Variants in SLIT3 observed in about 807,000 individuals in gnomAD.
SLIT3 encodes the protein slit homolog 3 protein.
Under a neutral mutation model 184.0 loss-of-function variants are expected in SLIT3, and 68 were observed. The observed-to-expected ratio is 0.37, with a 90% CI of 0.30 to 0.45. The LOEUF (loss-of-function observed/expected upper bound fraction) is 0.45, where lower values mean the gene tolerates loss of function less well. Ranked by LOEUF, SLIT3 falls within the 20% of genes least tolerant of loss-of-function variation. The pLI is 1.00. For missense variants in SLIT3, 1,707 were observed against 2,026.0 expected, an observed-to-expected ratio of 0.84 and a Z score of 3.02; for synonymous variants, 831 against 828.6, an observed-to-expected ratio of 1.00 and a Z score of -0.05.
intron 23 of SLIT3, 65 bp from the exon 24 acceptor site, chr5:168,712,419 G>T: frequency 7.2e-7 from 1 of 1,388,468 alleles, no homozygotes; most frequent in Non-Finnish European, 1.0e-6. Flanking sequence ...TATTCTCAGG[G>T]CCTCCAGTGC....
intron 4 of SLIT3, among the ~76,000 whole-genome samples, chr5:169,162,288 T>TG (rs34293998): frequency 6.6e-6 from 1 of 152,104 alleles, no homozygotes; most frequent in South Asian, 2.1e-4. Context: ...CAGAAACTGG[T>TG]GGGTAGGTTC....
chr5:168,673,671 A>C (rs1397094845), intron 32 of SLIT3, among the ~76,000 whole-genome samples: 1 of 152,202 alleles, frequency 6.6e-6, no homozygotes, highest in Non-Finnish European at 1.5e-5. Flanking sequence ...TCTCTTATAT[A>C]AGCACAGTGC....
intron 32 of SLIT3, 32 bp from the exon 33 acceptor site, chr5:168,673,363 A>C (rs184015319): frequency 1.9e-6 from 3 of 1,610,372 alleles, no homozygotes; most frequent in South Asian, 2.2e-5. Context: ...AAAGCCGGAG[A>C]GTTCACTAAG....
intron 5 of SLIT3, among the ~76,000 whole-genome samples, chr5:168,874,413 T>G (rs890287563): frequency 1.3e-5 from 2 of 152,222 alleles, no homozygotes; most frequent in Admixed American, 6.5e-5. Context: ...ATTCCTTCGC[T>G]TATTGTTTAT....
intron 3 of SLIT3, among the ~76,000 whole-genome samples, chr5:169,209,804 G>T (rs999691218): frequency 3.3e-5 from 5 of 152,184 alleles, no homozygotes; most frequent in Middle Eastern, 3.4e-3. Flanking sequence ...CGGGGGTAGG[G>T]GGCAAGGGGA....
At chr5:168,687,970 C>T (rs1024051189) in intron 29 of SLIT3, among the ~76,000 whole-genome samples, 1 of 152,222 alleles carries the variant, frequency 6.6e-6, no homozygotes, top group Non-Finnish European at 1.5e-5. Context: ...ATTATTGCCC[C>T]TTCTAGACAA....
At position 169,251,441 on chromosome 5, in the gene SLIT3, A is replaced by G. The variant is rs745459971; in HGVS notation, c.216T>C (p.Asn72=). ...NAERLDLDRN[N]ITRITKMDFA... ...AGTCCATCTTGGTGATCCTGGTGAT[A>G]TTATTTCTGTCCAGGTCACTGCAAT... Residue 72 remains asparagine (N), a synonymous_variant, in exon 2 of 36, where the codon AAT becomes AAC. Transcript: ENST00000519560. 2.2e-5 allele frequency: 36 copies of G among 1,613,214 alleles called. No homozygotes were observed. The highest frequency in any genetic ancestry group is 1.1e-4 in the South Asian group (10 of 91,058).
chr5:169,021,156 C>T (rs897896676), intron 4 of SLIT3, among the ~76,000 whole-genome samples: 8 of 152,096 alleles, frequency 5.3e-5, no homozygotes, highest in African/African-American at 1.9e-4. Flanking sequence ...GATGTCTACA[C>T]CCTGGAATGT....
chr5:169,201,020 A>G (rs1763890807), intron 3 of SLIT3, among the ~76,000 whole-genome samples: 1 of 152,024 alleles, frequency 6.6e-6, no homozygotes, highest in African/African-American at 2.4e-5. Flanking sequence ...CCTTTTTTGG[A>G]GGGACAAGCA....
chr5:169,300,685 C>A lies in SLIT3; in HGVS notation c.25G>T (p.Gly9Cys). The change falls in exon 1 of 36, where the codon GGC becomes TGC. Residue 9 changes from glycine to cysteine, a missense_variant. Around this residue, in one of 3 missense-constraint regions of SLIT3, gnomAD observed 1,307 missense variants for 1,511.6 expected, o/e 0.86. Transcript: ENST00000519560. This position sits in a 1 kb window ranked among gnomAD's most constrained non-coding sequence, Gnocchi z 4.1. MAPGWAGVGAAVRARLALA... is the reference protein window; with the variant it reads MAPGWAGVCAAVRARLALA... ...GCCAGGCGGGCGCGCACGGCGGCGC[C>A]GACCCCTGCCCACCCGGGGGCCATG... The A allele has an allele frequency of 7.2e-7, 1 of 1,382,354 alleles. No homozygotes were observed. The highest frequency in any genetic ancestry group is 9.3e-7 in the Non-Finnish European group (1 of 1,076,636). 85.6% of individuals were successfully genotyped at this position (1,382,354 alleles called of 1,614,324 possible).
At chr5:168,760,817 G>A in intron 16 of SLIT3, 45 bp downstream of exon 16, 1 of 1,426,918 alleles carries the variant, frequency 7.0e-7, no homozygotes. Flanking sequence ...CACAGGCTCT[G>A]GCTAGAGAAC....
chr5:168,844,098 C>T (rs1758365112), intron 6 of SLIT3, among the ~76,000 whole-genome samples: 1 of 150,184 alleles, frequency 6.7e-6, no homozygotes, highest in African/African-American at 2.4e-5. Context: ...GGCTGTGTGG[C>T]ATTCCCCTGC....
intron 13 of SLIT3, among the ~76,000 whole-genome samples, chr5:168,773,326 T>C (rs949659348): frequency 2.0e-5 from 3 of 152,194 alleles, no homozygotes; most frequent in African/African-American, 7.2e-5. Flanking sequence ...ACTAGGCACA[T>C]AAAGCAGCTG....
intron 3 of SLIT3, among the ~76,000 whole-genome samples, chr5:169,199,483 T>A (rs1377201552): frequency 6.6e-6 from 1 of 152,204 alleles, no homozygotes; most frequent in African/African-American, 2.4e-5. Flanking sequence ...TCAGGATTTC[T>A]GCAATGCTGA....
chr5:169,155,270 C>T (rs1457465844), intron 4 of SLIT3, among the ~76,000 whole-genome samples: 2 of 152,220 alleles, frequency 1.3e-5, no homozygotes, highest in Non-Finnish European at 2.9e-5. Context: ...CTTTTGGAGG[C>T]TGCATTCCTA....
At chr5:169,231,376 C>G (rs10043016) in intron 3 of SLIT3, among the ~76,000 whole-genome samples, 112,940 of 151,694 alleles carry the variant, frequency 0.74, 42,329 homozygotes, top group East Asian at 0.78. Context: ...TCGCAACTCC[C>G]CATTGCTTAA....
rs887173092 is a variant in SLIT3, at chr5:169,098,639, C to T, written c.413+94840G>A. ...AAACACACACAAGAGCAAAAGTGGA[C>T]GAAGTGGATGACATTGATGTGCCCA... is the stretch of plus-strand genomic sequence containing the variant. On this transcript the variant is annotated intron_variant, in intron 4 of 35. Transcript: ENST00000519560. Among the ~76,000 whole-genome samples the T allele has an allele frequency of 5.9e-5, 9 of 152,214 alleles. No individual in the cohort carries two copies. In the South Asian group the frequency reaches 6.2e-4, roughly 11 times the overall value.
Position 168,669,832 on chromosome 5 carries a change from C to G in SLIT3, c.4287G>C (p.Glu1429Asp). 1 of 1,614,146 alleles carries G rather than the reference C, an allele frequency of 6.2e-7. No homozygotes were observed. Among genetic ancestry groups the G allele is most frequent in the Non-Finnish European group, 8.5e-7 (1 of 1,180,042 alleles). ...AGCCGGGCTGGCACAGGCAGTAGGG[C>G]TCCCCTTGGTCTGAGATGTGGCACT... ...HGQCHISDQG[E>D]PYCLCQPGFS... The change falls in exon 35 of 36, where the codon GAG becomes GAC. Residue 1429 changes from glutamate to aspartate, a missense_variant. Glu to Asp is a conservative substitution (Grantham distance 45). This residue lies in a region of SLIT3 where 387 missense variants were observed against 477.9 expected (regional missense o/e 0.81). Transcript: ENST00000519560.
At chr5:168,838,243 C>T (rs1378600743) in intron 6 of SLIT3, among the ~76,000 whole-genome samples, 1 of 152,180 alleles carries the variant, frequency 6.6e-6, no homozygotes, top group Non-Finnish European at 1.5e-5. Context: ...TCCCCTCGTA[C>T]TTGCCACTGT....
Sources: gnomAD v4.1 joint callset for allele counts (sites outside exome capture counted in the v4.1 genomes callset) on GRCh38, gnomAD v4.1.1 for gene constraint, gnomAD v4.1.1 regional missense constraint, Gnocchi (gnomAD v3.1) non-coding constraint, MANE v1.5 for transcripts, NCBI Gene and HGNC (gene_info 2026-07-23, HGNC 2026-07-21) for gene names.